ST3GAL1: variants seen among roughly 807,000 people sequenced by gnomAD.
ST3GAL1 encodes the protein CMP-N-acetylneuraminate-beta-galactosamide-alpha-2,3-sialyltransferase 1.
In ST3GAL1, 16 loss-of-function variants were observed where a neutral mutation model predicts 34.1. The ratio of observed to expected loss-of-function variants is 0.47; its 90% CI spans 0.32 to 0.71. The LOEUF is 0.71. ST3GAL1 is among the 30% of genes least tolerant of loss of function. The pLI is 0.04. For synonymous variants in ST3GAL1, 191 were observed against 184.7 expected, an observed-to-expected ratio of 1.03 and a Z score of -0.28; for missense variants, 353 against 447.4, an observed-to-expected ratio of 0.79 and a Z score of 1.90.
intron 8 of ST3GAL1, among the ~76,000 whole-genome samples, chr8:133,463,002 T>C (rs1205457009): frequency 6.6e-6 from 1 of 152,204 alleles, no homozygotes; most frequent in East Asian, 1.9e-4. Flanking sequence ...GCCAGCCCCA[T>C]GCCAGGGGCC....
At chr8:133,463,830 C>T (rs1422776012) in intron 7 of ST3GAL1, among the ~76,000 whole-genome samples, 3 of 152,194 alleles carry the variant, frequency 2.0e-5, no homozygotes, top group African/African-American at 4.8e-5. Flanking sequence ...GTGAGGCCCG[C>T]GGCTGCCCCT....
intron 1 of ST3GAL1, among the ~76,000 whole-genome samples, chr8:133,567,899 C>G (rs1207683535): frequency 6.8e-6 from 1 of 147,954 alleles, no homozygotes; most frequent in Non-Finnish European, 1.5e-5. Flanking sequence ...CAGTGACGGG[C>G]AGCAGAACTC....
intron 3 of ST3GAL1, among the ~76,000 whole-genome samples, chr8:133,498,826 G>C (rs907939639): frequency 2.0e-5 from 3 of 152,160 alleles, no homozygotes; most frequent in Admixed American, 1.3e-4. Flanking sequence ...AACCCTCCTG[G>C]GAGAACAGAC....
intron 2 of ST3GAL1, among the ~76,000 whole-genome samples, chr8:133,523,812 A>G (rs1017552001): frequency 6.6e-5 from 10 of 152,188 alleles, no homozygotes; most frequent in Non-Finnish European, 1.2e-4. Context: ...TCGAAGTGGG[A>G]GTGTATTTTT....
At position 133,467,748 on chromosome 8, in the gene ST3GAL1, C is replaced by G. The variant is rs546580880; in HGVS notation, c.307-1658G>C. Among the ~76,000 whole-genome samples, 26 of 152,240 alleles carry G rather than the reference C, an allele frequency of 1.7e-4. No individual in the cohort carries two copies. Among genetic ancestry groups the G allele is most frequent in the African/African-American group, 6.3e-4 (26 of 41,556 alleles). ...GGCCACTGTCCAGAAGATGAGTGAC[C>G]TGGGCATATGTAGGGAGATCCCGGG... On this transcript the variant is annotated intron_variant, in intron 5 of 9. Transcript: ENST00000522652. This position sits in a 1 kb window ranked among gnomAD's most constrained non-coding sequence, Gnocchi z 4.2.
At chr8:133,526,358 G>T (rs1452628618) in intron 2 of ST3GAL1, among the ~76,000 whole-genome samples, 1 of 152,178 alleles carries the variant, frequency 6.6e-6, no homozygotes, top group Non-Finnish European at 1.5e-5. Context: ...AAAAACAGGG[G>T]AAGTAGAAAA....
intron 2 of ST3GAL1, among the ~76,000 whole-genome samples, chr8:133,533,576 T>G (rs1818217984): frequency 6.6e-6 from 1 of 152,222 alleles, no homozygotes; most frequent in African/African-American, 2.4e-5. Flanking sequence ...CTCCCTGACT[T>G]GCACTCTGTG....
chr8:133,565,770 G>A (rs1221654430), intron 1 of ST3GAL1, among the ~76,000 whole-genome samples: 1 of 152,256 alleles, frequency 6.6e-6, no homozygotes, highest in South Asian at 2.1e-4. Flanking sequence ...TCTCCCAGGT[G>A]AGGAAACGAA....
intron 1 of ST3GAL1, among the ~76,000 whole-genome samples, chr8:133,553,605 T>C (rs951845505): frequency 6.6e-6 from 1 of 152,204 alleles, no homozygotes; most frequent in African/African-American, 2.4e-5. Context: ...CATAGGGTTA[T>C]GAGAATGAAT....
At chr8:133,488,816 T>C (rs979646109) in intron 3 of ST3GAL1, among the ~76,000 whole-genome samples, 1 of 151,972 alleles carries the variant, frequency 6.6e-6, no homozygotes, top group African/African-American at 2.4e-5. Flanking sequence ...TCCAACGAAC[T>C]GAAAGAAAAC....
At chr8:133,495,330 T>G (rs1439717245) in intron 3 of ST3GAL1, among the ~76,000 whole-genome samples, 1 of 152,216 alleles carries the variant, frequency 6.6e-6, no homozygotes, top group Non-Finnish European at 1.5e-5. Context: ...CTTAGTTCAC[T>G]ACTGTGTTCC....
intron 3 of ST3GAL1, chr8:133,488,359 G>A (rs1196712162): frequency 6.6e-6 from 1 of 152,240 alleles, no homozygotes; most frequent in Non-Finnish European, 1.5e-5. Context: ...TCTCCAATCA[G>A]TTAACTTTAA....
chr8:133,559,046 T>TGTGTGG (rs1410345249), intron 1 of ST3GAL1, among the ~76,000 whole-genome samples: 1 of 151,712 alleles, frequency 6.6e-6, no homozygotes, highest in African/African-American at 2.4e-5. Context: ...TGTGTGTGTG[T>TGTGTGG]GTGTGTGTGT....
intron 1 of ST3GAL1, among the ~76,000 whole-genome samples, chr8:133,560,260 T>TAA (rs370040473): frequency 3.4e-5 from 5 of 145,098 alleles, no homozygotes; most frequent in Non-Finnish European, 7.6e-5. Flanking sequence ...TCAGTTTTAC[T>TAA]AAAAAAAAAA....
At chr8:133,525,844 C>G (rs564483453) in intron 2 of ST3GAL1, among the ~76,000 whole-genome samples, 2 of 152,216 alleles carry the variant, frequency 1.3e-5, no homozygotes, top group South Asian at 4.2e-4. Context: ...TGCCAGGGAG[C>G]GGGAGCAGGC....
At chr8:133,481,025 C>T (rs1471604139) in intron 3 of ST3GAL1, among the ~76,000 whole-genome samples, 3 of 152,056 alleles carry the variant, frequency 2.0e-5, no homozygotes, top group Non-Finnish European at 4.4e-5. Flanking sequence ...TCACCACAGC[C>T]GTCTTAAAGC....
chr8:133,466,196 A>G lies in ST3GAL1; in HGVS notation c.307-106T>C. The stretch of plus-strand genomic sequence containing the variant: ...GTCGTTTACTGGGGCCCTCCTGTTC[A>G]CCCTTCTCTCTGCTGGGCCCCCGGA... On this transcript the variant is annotated intron_variant, in intron 5 of 9. Coordinates refer to ENST00000522652, the MANE Select transcript of ST3GAL1 (RefSeq NM_173344.3). This position sits in a 1 kb window ranked among gnomAD's most constrained non-coding sequence, Gnocchi z 4.4. 8.4e-7 allele frequency: 1 copy of G among 1,183,560 alleles called. No individual in the cohort carries two copies. The highest frequency in any genetic ancestry group is 1.2e-6 in the Non-Finnish European group (1 of 852,116). The allele number at this position is 1,183,560 out of a possible 1,614,324, so 73.3% of individuals were successfully genotyped here.
At chr8:133,480,622 T>TA (rs1291094236) in intron 3 of ST3GAL1, among the ~76,000 whole-genome samples, 1 of 152,156 alleles carries the variant, frequency 6.6e-6, no homozygotes, top group Admixed American at 6.5e-5. Flanking sequence ...GGGTAACCCT[T>TA]ACGCTTGTCT....
chr8:133,571,104 CT>C lies in ST3GAL1; in HGVS notation c.-582+588del, dbSNP rs1819554239. On this transcript the variant is annotated intron_variant, in intron 1 of 9. Coordinates refer to ENST00000522652, the MANE Select transcript of ST3GAL1 (RefSeq NM_173344.3). The surrounding 1 kb of genome is among the most constrained non-coding windows in gnomAD (Gnocchi z 6.7). ...CGGCGTCCCCGGGGCCGATAGCCAC[CT>C]CCCGGATCTGCGCCTGCTTGCAGCG... Among the ~76,000 whole-genome samples the C allele has an allele frequency of 1.3e-5, 2 of 152,226 alleles. No homozygotes were observed. Among genetic ancestry groups the C allele is most frequent in the South Asian group, 4.1e-4 (2 of 4,836 alleles).
Sources: gnomAD v4.1 joint callset for allele counts (sites outside exome capture counted in the v4.1 genomes callset) on GRCh38, gnomAD v4.1.1 for gene constraint, Gnocchi (gnomAD v3.1) non-coding constraint, MANE v1.5 for transcripts, NCBI Gene and HGNC (gene_info 2026-07-23, HGNC 2026-07-21) for gene names.